MIA2: variants seen among roughly 807,000 people sequenced by gnomAD.
The protein encoded by MIA2 is melanoma inhibitory activity protein 2.
In MIA2, 127 loss-of-function variants were observed where a neutral mutation model predicts 167.8. The observed-to-expected ratio is 0.76, with a 90% CI of 0.66 to 0.88. The LOEUF (loss-of-function observed/expected upper bound fraction) is 0.88, where lower values mean the gene tolerates loss of function less well. Among genes scored for constraint, MIA2 ranks in the 40% least tolerant of loss-of-function variants. The probability of loss-of-function intolerance (pLI) is 0.00; values close to 1 mark genes in which losing one functional copy is unlikely to be tolerated. For missense variants in MIA2, 1,690 were observed against 1,624.7 expected, an observed-to-expected ratio of 1.04 and a Z score of -0.69; for synonymous variants, 552 against 541.9, an observed-to-expected ratio of 1.02 and a Z score of -0.26.
intron 9 of MIA2, among the ~76,000 whole-genome samples, chr14:39,284,891 C>G: frequency 6.6e-6 from 1 of 151,854 alleles, no homozygotes; most frequent in South Asian, 2.1e-4. Context: ...GGCAGAGGAC[C>G]CTGCGGTCTT....
At position 39,259,883 on chromosome 14, in the gene MIA2, G is replaced by A. The variant is rs532167598; in HGVS notation, c.1887+6712G>A. Among the ~76,000 whole-genome samples the A allele has an allele frequency of 5.9e-5, 9 of 151,856 alleles. No individual in the cohort carries two copies. In the South Asian group the frequency reaches 8.3e-4, roughly 14 times the overall value. ...TCCCCCCGCCAACATGACAGGCCCC[G>A]GTGTGTGATGTTCCCCACTCTGTGT... On this transcript the variant is annotated intron_variant, in intron 6 of 28. Coordinates refer to ENST00000640607, the MANE Select transcript of MIA2 (RefSeq NM_001329214.4).
In MIA2 at chr14:39,252,744, G is replaced by A. The variant is rs1472149581; in HGVS notation, c.1568-4G>A. ...AAAACACATTTCTTTTTATTTATTTGTAGATATGGTCTCTAACATAGAGTT... is the reference window on the plus strand; with the variant it reads ...AAAACACATTTCTTTTTATTTATTTATAGATATGGTCTCTAACATAGAGTT... On this transcript the variant is annotated splice_polypyrimidine_tract_variant and splice_region_variant and intron_variant, in intron 4 of 28. Transcript: ENST00000640607. The A allele has an allele frequency of 1.3e-6, 2 of 1,591,006 alleles. No homozygotes were observed. Among genetic ancestry groups the A allele is most frequent in the Non-Finnish European group, 1.7e-6 (2 of 1,165,990 alleles).
intron 6 of MIA2, chr14:39,267,018 C>G: frequency 2.1e-6 from 2 of 974,872 alleles, no homozygotes; most frequent in African/African-American, 1.8e-5. Context: ...TCTCCACTAC[C>G]AGGGCTGGGT....
At chr14:39,246,447 G>A (rs1047686504) in intron 3 of MIA2, among the ~76,000 whole-genome samples, 1 of 152,190 alleles carries the variant, frequency 6.6e-6, no homozygotes, top group Non-Finnish European at 1.5e-5. Flanking sequence ...GCCTGGGGCA[G>A]TGGCTCACAT....
chr14:39,296,240 A>G (rs982230009), intron 13 of MIA2, among the ~76,000 whole-genome samples: 5 of 152,040 alleles, frequency 3.3e-5, no homozygotes, highest in African/African-American at 1.2e-4. Context: ...TATAGGAGAT[A>G]ATTTTTTTAG....
intron 13 of MIA2, among the ~76,000 whole-genome samples, chr14:39,298,157 A>G (rs1455093458): frequency 1.3e-5 from 2 of 151,802 alleles, no homozygotes; most frequent in Non-Finnish European, 2.9e-5. Flanking sequence ...GGCCTTTTCC[A>G]CCTTGGAAAA....
chr14:39,282,036 A>T (rs912771638), intron 9 of MIA2, among the ~76,000 whole-genome samples: 1 of 152,046 alleles, frequency 6.6e-6, no homozygotes, highest in African/African-American at 2.4e-5. Context: ...CCAGTAGTCT[A>T]TTTCTGGTGC....
At chr14:39,372,696 G>T (rs1471716154) in intron 23 of MIA2, among the ~76,000 whole-genome samples, 1 of 152,128 alleles carries the variant, frequency 6.6e-6, no homozygotes, top group Non-Finnish European at 1.5e-5. Context: ...AATGATAAAA[G>T]GATATTAAAA....
chr14:39,281,825 T>TCA (rs1478311154), intron 9 of MIA2, among the ~76,000 whole-genome samples: 2 of 152,154 alleles, frequency 1.3e-5, no homozygotes, highest in African/African-American at 4.8e-5. Flanking sequence ...TTCACTGTGT[T>TCA]GCTCAGGCTG....
At chr14:39,343,866 A>G (rs1378235893) in intron 25 of MIA2, among the ~76,000 whole-genome samples, 3 of 152,118 alleles carry the variant, frequency 2.0e-5, no homozygotes, top group African/African-American at 7.2e-5. Flanking sequence ...TGTGCATTTG[A>G]CCAGAATACC....
At chr14:39,349,041 T>G in intron 28 of MIA2, 64 bp downstream of exon 28, 1 of 1,541,196 alleles carries the variant, frequency 6.5e-7, no homozygotes, top group Non-Finnish European at 8.9e-7. Context: ...AGATTTAATT[T>G]TACTATCTGT....
chr14:39,379,792 A>AGT (rs1291383369), intron 23 of MIA2, among the ~76,000 whole-genome samples: 2 of 152,196 alleles, frequency 1.3e-5, no homozygotes, highest in African/African-American at 4.8e-5. Flanking sequence ...CAGAGGTTGA[A>AGT]GTAAGCCAAG....
intron 6 of MIA2, among the ~76,000 whole-genome samples, chr14:39,259,897 C>T (rs150958912): frequency 5.3e-5 from 8 of 152,038 alleles, no homozygotes; most frequent in Non-Finnish European, 1.2e-4. Context: ...TGTGATGTTC[C>T]CCACTCTGTG....
At chr14:39,300,805 TTAAAA>T (rs201571290) in intron 14 of MIA2, among the ~76,000 whole-genome samples, 3,082 of 151,910 alleles carry the variant, frequency 0.02, 109 homozygotes, top group African/African-American at 0.068. Context: ...ATCCCAGAAC[TTAAAA>T]TATAATAAAA....
chr14:39,365,959 T>C (rs1419545287), intron 23 of MIA2, among the ~76,000 whole-genome samples: 1 of 152,208 alleles, frequency 6.6e-6, no homozygotes, highest in Non-Finnish European at 1.5e-5. Context: ...CTTCTGATTT[T>C]TTGTATTGGC....
At chr14:39,285,339 G>GC (rs1446325950) in intron 9 of MIA2, among the ~76,000 whole-genome samples, 16 of 151,150 alleles carry the variant, frequency 1.1e-4, no homozygotes, top group Admixed American at 3.9e-4. Context: ...GGGCAGAGGC[G>GC]CCCCCCCACC....
At chr14:39,373,019 G>A (rs1484802345) in intron 23 of MIA2, among the ~76,000 whole-genome samples, 3 of 152,176 alleles carry the variant, frequency 2.0e-5, no homozygotes, top group Non-Finnish European at 4.4e-5. Flanking sequence ...AGACAGAAGA[G>A]TTAGAGCCGT....
chr14:39,385,608 G>T, intron 23 of MIA2: 1 of 811,926 alleles, frequency 1.2e-6, no homozygotes, highest in South Asian at 1.3e-5. Context: ...CTACTTGCTG[G>T]GTCTCTGGAT....
In MIA2 at chr14:39,294,095, T is replaced by A. The variant is rs758596011; in HGVS notation, c.2391+24T>A. 27 of 1,503,422 alleles carry A rather than the reference T, an allele frequency of 1.8e-5. No individual in the cohort carries two copies. In the East Asian group the frequency reaches 5.7e-4, roughly 32 times the overall value. 93.1% of individuals were successfully genotyped at this position (1,503,422 alleles called of 1,614,324 possible). A position where few individuals can be genotyped will look rare whatever the true frequency, so the allele number is the denominator to read the frequency against. ...AAGTAAGTTGAATTAGTCTAGTAGG[T>A]CTGTTGCTTTTGGAAATAATTTTAG... On this transcript the variant is annotated intron_variant, in intron 12 of 28. Coordinates refer to ENST00000640607, the MANE Select transcript of MIA2 (RefSeq NM_001329214.4).
Sources: gnomAD v4.1 joint callset for allele counts (sites outside exome capture counted in the v4.1 genomes callset) on GRCh38, gnomAD v4.1.1 for gene constraint, MANE v1.5 for transcripts, NCBI Gene and HGNC (gene_info 2026-07-23, HGNC 2026-07-21) for gene names.